TRIM34: variants seen among roughly 807,000 people sequenced by gnomAD.
TRIM34 encodes the protein E3 ubiquitin-protein ligase TRIM34.
Under a neutral mutation model 38.1 loss-of-function variants are expected in TRIM34, and 41 were observed. The observed-to-expected ratio is 1.08, with a 90% confidence interval of 0.84 to 1.40. The LOEUF is 1.40. Ranked by LOEUF, TRIM34 falls within the 40% of genes most tolerant of loss-of-function variation. TRIM34 has a pLI of 0.00. For missense variants in TRIM34, 556 were observed against 571.4 expected (o/e 0.97, Z 0.27); for synonymous variants, 200 against 202.5 (o/e 0.99, Z 0.10).
At chr11:5,638,039 A>G (rs1849822607) in intron 4 of TRIM34, among the ~76,000 whole-genome samples, 2 of 152,202 alleles carry the variant, frequency 1.3e-5, no homozygotes, top group African/African-American at 4.8e-5. Context: ...AATCAGCACT[A>G]TCAAGAATGA....
In TRIM34 at chr11:5,632,258, T is replaced by C. The variant is rs572553195; in HGVS notation, c.-74T>C. ...CATCCCCTTTCAATCTTCTCAGCCATCCAGGGGTCTTTAACCAGAAGAGAG... is the reference window on the plus strand; with the variant it reads ...CATCCCCTTTCAATCTTCTCAGCCACCCAGGGGTCTTTAACCAGAAGAGAG... On this transcript the variant is annotated 5_prime_UTR_variant, in exon 2 of 8. Transcript: ENST00000429814. 3.1e-6 allele frequency: 5 copies of C among 1,603,924 alleles called. No homozygotes were observed. The African/African-American group carries it at 6.7e-5, about 22-fold the overall frequency.
intron 3 of TRIM34, 29 bp from the exon 4 acceptor site, chr11:5,634,599 TTAC>T (rs1161859789): frequency 1.9e-6 from 3 of 1,585,276 alleles, no homozygotes; most frequent in Admixed American, 3.5e-5. Context: ...CCTGACAAAC[TTAC>T]TACAACTCTC....
intron 4 of TRIM34, among the ~76,000 whole-genome samples, chr11:5,636,973 C>T (rs1478262957): frequency 6.6e-6 from 1 of 152,074 alleles, no homozygotes; most frequent in Non-Finnish European, 1.5e-5. Context: ...AGTGAAACCC[C>T]GTCTCTACTA....
rs747919367 is a variant in TRIM34, at chr11:5,643,349, A to G, written c.1107A>G (p.Thr369=). The G allele has an allele frequency of 5.0e-6, 8 of 1,614,034 alleles. No homozygotes were observed. In the South Asian group the frequency reaches 8.8e-5, roughly 18 times the overall value. The change falls in exon 8 of 8, where the codon ACA becomes ACG. Residue 369 remains threonine (T), a synonymous_variant. Transcript: ENST00000429814. Reference sequence around the variant, plus strand: ...GGATCCTGGGGGTATACTGTAGAACATATTCCCGCCATATGAAGTATGTTG... The same window carrying G: ...GGATCCTGGGGGTATACTGTAGAACGTATTCCCGCCATATGAAGTATGTTG... ...TAWILGVYCR[T]YSRHMKYVVR... is the part of the protein sequence containing the mutation.
At chr11:5,627,865 C>T (rs1018045114) in intron 1 of TRIM34, among the ~76,000 whole-genome samples, 6 of 152,174 alleles carry the variant, frequency 3.9e-5, no homozygotes, top group Non-Finnish European at 8.8e-5. Context: ...AAAAGTCACT[C>T]GTAGAGACAC....
At chr11:5,635,629 G>A (rs1445284222) in intron 4 of TRIM34, among the ~76,000 whole-genome samples, 5 of 152,046 alleles carry the variant, frequency 3.3e-5, no homozygotes, top group Non-Finnish European at 7.4e-5. Context: ...CAAATATATA[G>A]ACAGACAGTG....
At chr11:5,620,298 C>G (rs1177962329), upstream of TRIM34, among the ~76,000 whole-genome samples, 1 of 150,532 alleles carries the variant, frequency 6.6e-6, no homozygotes, top group Admixed American at 6.7e-5. Context: ...CTGCCTCAAC[C>G]TCCCAAGTAA....
chr11:5,640,442 AT>A (rs201319272), intron 4 of TRIM34, among the ~76,000 whole-genome samples: 12 of 150,614 alleles, frequency 8.0e-5, no homozygotes, highest in African/African-American at 9.8e-5. Context: ...ACATCAATTG[AT>A]TTTTTTTTAT....
At chr11:5,642,308 A>G in intron 5 of TRIM34, 98 bp from the exon 6 acceptor site, 1 of 1,089,886 alleles carries the variant, frequency 9.2e-7, no homozygotes, top group Non-Finnish European at 1.4e-6. Flanking sequence ...AGAAGGGTTC[A>G]AGTGCATCAG....
chr11:5,622,983 G>A (rs1017281484), upstream of TRIM34, among the ~76,000 whole-genome samples: 4 of 152,196 alleles, frequency 2.6e-5, no homozygotes, highest in African/African-American at 9.6e-5. Flanking sequence ...TCCGGAAGGG[G>A]GTTTCCAGGT....
intron 4 of TRIM34, among the ~76,000 whole-genome samples, chr11:5,635,471 T>C (rs1008466313): frequency 1.3e-5 from 2 of 152,138 alleles, no homozygotes; most frequent in Non-Finnish European, 2.9e-5. Context: ...CTAGCCAGTA[T>C]GGTATTAATC....
intron 1 of TRIM34, among the ~76,000 whole-genome samples, chr11:5,625,276 G>A (rs1003082637): frequency 6.6e-6 from 1 of 152,178 alleles, no homozygotes; most frequent in African/African-American, 2.4e-5. Flanking sequence ...GCAGAAGGCC[G>A]CCTTTGTTTT....
In TRIM34 at chr11:5,643,666, G is replaced by A; in HGVS notation, c.1424G>A (p.Trp475Ter). 6.2e-7 allele frequency: 1 copy of A among 1,613,198 alleles called. No homozygotes were observed. Among genetic ancestry groups the A allele is most frequent in the Non-Finnish European group, 8.5e-7 (1 of 1,179,656 alleles). Residue 475 changes from tryptophan (W) to a stop codon, truncating the protein, a stop_gained, in exon 8 of 8, where the codon TGG (tryptophan) becomes TAG (stop). Transcript: ENST00000429814. LOFTEE classifies it low-confidence loss of function (END_TRUNC). ...SQPVYPYFNPWNCPAPMTLCP... is the reference protein window; with the variant it reads ...SQPVYPYFNP ...CCTGTTTATCCATATTTCAATCCTT[G>A]GAACTGTCCAGCTCCCATGACTCTA... is the stretch of plus-strand genomic sequence containing the variant.
chr11:5,630,452 TAGG>T (rs761867141), intron 1 of TRIM34, among the ~76,000 whole-genome samples: 2 of 152,184 alleles, frequency 1.3e-5, no homozygotes, highest in Non-Finnish European at 2.9e-5. Flanking sequence ...TTACTTCATT[TAGG>T]AAGTGTCACA....
intron 3 of TRIM34, 101 bp from the exon 4 acceptor site, chr11:5,634,530 C>CACACATATATATATATATATATATATAT (rs1491498839): frequency 2.0e-5 from 4 of 203,872 alleles, no homozygotes; most frequent in African/African-American, 1.4e-4. Flanking sequence ...CACACACACA[C>CACACATATATATATATATATATATATAT]ATATATATAT....
chr11:5,643,705 C>T lies in TRIM34; in HGVS notation c.1463C>T (p.Ser488Phe), dbSNP rs1195534190. Residue 488 changes from serine (S) to phenylalanine (F), a missense_variant, in exon 8 of 8, where the codon TCT (serine) becomes TTT (phenylalanine). Coordinates refer to ENST00000429814, the MANE Select transcript of TRIM34 (RefSeq NM_021616.6). ...CCCATGACTCTATGCCCACCAAGCTCTTGAATTTTCTCATTTCTTCACCTA... is the reference window on the plus strand; with the variant it reads ...CCCATGACTCTATGCCCACCAAGCTTTTGAATTTTCTCATTTCTTCACCTA... ...PAPMTLCPPS[S>F] 1 of 1,573,712 alleles carries T rather than the reference C, an allele frequency of 6.4e-7. No homozygotes were observed. The highest frequency in any genetic ancestry group is 2.2e-5 in the East Asian group (1 of 44,622).
chr11:5,633,969 C>T (rs1409558550), intron 3 of TRIM34, 70 bp downstream of exon 3: 6 of 1,516,312 alleles, frequency 4.0e-6, no homozygotes, highest in Non-Finnish European at 5.4e-6. Context: ...GAGGCCTCGT[C>T]CTTTTTATTC....
upstream of TRIM34, among the ~76,000 whole-genome samples, chr11:5,622,984 G>A (rs1274803183): frequency 1.3e-5 from 2 of 152,202 alleles, no homozygotes; most frequent in African/African-American, 4.8e-5. Context: ...CCGGAAGGGG[G>A]TTTCCAGGTC....
chr11:5,627,279 C>A (rs7124885), intron 1 of TRIM34, among the ~76,000 whole-genome samples: 7,761 of 152,026 alleles, frequency 0.051, 586 homozygotes, highest in African/African-American at 0.17. Flanking sequence ...ACTCGGGAGG[C>A]TGAGGCAAGA....
Sources: gnomAD v4.1 joint callset for allele counts (sites outside exome capture counted in the v4.1 genomes callset) on GRCh38, gnomAD v4.1.1 for gene constraint, MANE v1.5 for transcripts, NCBI Gene and HGNC (gene_info 2026-07-23, HGNC 2026-07-21) for gene names.